Variants in GTF3C1 observed in about 807,000 individuals in gnomAD.
GTF3C1 encodes the protein general transcription factor IIIC subunit 1.
A neutral mutation model predicts 226.7 loss-of-function variants in GTF3C1; 57 were observed. The observed-to-expected ratio is 0.25, with a 90% CI of 0.20 to 0.31. GTF3C1 has a LOEUF of 0.31. Among genes scored for constraint, GTF3C1 ranks in the 10% least tolerant of loss-of-function variants. The probability of loss-of-function intolerance (pLI) is 1.00; values close to 1 mark genes in which losing one functional copy is unlikely to be tolerated. For missense variants in GTF3C1, 2,217 were observed against 2,776.1 expected, an observed-to-expected ratio of 0.80 and a Z score of 4.53; for synonymous variants, 1,090 against 1,084.8, an observed-to-expected ratio of 1.00 and a Z score of -0.09.
chr16:27,484,314 T>C lies in GTF3C1; in HGVS notation c.3898A>G (p.Ile1300Val), dbSNP rs2088101718. The C allele has an allele frequency of 6.2e-7, 1 of 1,610,504 alleles. No homozygotes were observed. Among genetic ancestry groups the C allele is most frequent in the Non-Finnish European group, 8.5e-7 (1 of 1,176,760 alleles). ...GACTCTTCAAACGTGGCATGCAAAA[T>C]GTCCCGTACCACCTGCCAGGTGACA... The part of the protein sequence containing the change: ...PFVTWQVVRD[I>V]LHATFEESLD... The change falls in exon 25 of 37, where the codon ATT (isoleucine) becomes GTT (valine). Residue 1300 changes from isoleucine to valine, a missense_variant. By Grantham distance (29) the Ile-to-Val change is conservative. Transcript: ENST00000356183.
intron 6 of GTF3C1, among the ~76,000 whole-genome samples, chr16:27,524,648 T>A (rs2088802026): frequency 6.6e-6 from 1 of 152,228 alleles, no homozygotes; most frequent in Non-Finnish European, 1.5e-5. Context: ...CCAGGGACCT[T>A]AGGCTAGGGA....
At chr16:27,483,763 C>T (rs1056058686) in intron 25 of GTF3C1, among the ~76,000 whole-genome samples, 1 of 152,332 alleles carries the variant, frequency 6.6e-6, no homozygotes. Flanking sequence ...CTGCTAAGAA[C>T]ATGGCAGAGG....
At chr16:27,533,576 A>T (rs562239897) in intron 4 of GTF3C1, among the ~76,000 whole-genome samples, 189 bp from the exon 5 acceptor site, 1 of 152,318 alleles carries the variant, frequency 6.6e-6, no homozygotes, top group South Asian at 2.1e-4. Context: ...TGTGGCTGTG[A>T]GAGGTTCTGT....
intron 25 of GTF3C1, among the ~76,000 whole-genome samples, chr16:27,483,674 C>A (rs2088091212): frequency 6.6e-6 from 1 of 152,240 alleles, no homozygotes. Context: ...CAGACTCATT[C>A]CGCTTTACAG....
Position 27,532,457 on chromosome 16 carries a change from C to A in GTF3C1, c.849+834G>T, listed in dbSNP as rs75973630. ...TAAGTTCTGGTTTCACCTACAGGGC[C>A]ATGTTGTTTTCCTCCCATCTCTAAC... On this transcript the variant is annotated intron_variant, in intron 5 of 36. Transcript: ENST00000356183. 7.0e-3 allele frequency among the ~76,000 whole-genome samples: 1,060 copies of A among 152,320 alleles called. 16 individuals are homozygous for A. The highest frequency in any genetic ancestry group is 0.024 in the African/African-American group (1,007 of 41,572).
intron 29 of GTF3C1, among the ~76,000 whole-genome samples, chr16:27,472,143 G>A (rs1055517917): frequency 2.0e-5 from 3 of 152,114 alleles, no homozygotes; most frequent in African/African-American, 4.8e-5. Flanking sequence ...GGACCACCAC[G>A]TCACACTTCC....
intron 1 of GTF3C1, among the ~76,000 whole-genome samples, chr16:27,546,978 A>G (rs2089174364): frequency 1.3e-5 from 2 of 151,726 alleles, no homozygotes; most frequent in South Asian, 2.1e-4. Context: ...TGTTGGCCAA[A>G]TGATCCACCT....
At position 27,461,342 on chromosome 16, in the gene GTF3C1, C is replaced by T. The variant is rs756858321; in HGVS notation, c.*8G>A. On this transcript the variant is annotated 3_prime_UTR_variant, in exon 37 of 37. Coordinates refer to ENST00000356183, the MANE Select transcript of GTF3C1 (RefSeq NM_001520.4). The surrounding 1 kb of genome is among the most constrained non-coding windows in gnomAD (Gnocchi z 5.3). ...GTGGCTGGGAGGGAGGGGACGCCCA[C>T]AGGGGTCCTAGAGGTGGATCCACTT... 1 of 1,578,250 alleles carries T rather than the reference C, an allele frequency of 6.3e-7. No individual in the cohort carries two copies. The highest frequency in any genetic ancestry group is 2.2e-5 in the East Asian group (1 of 44,476).
intron 1 of GTF3C1, among the ~76,000 whole-genome samples, chr16:27,545,966 A>T (rs1172847021): frequency 1.3e-5 from 2 of 152,140 alleles, no homozygotes; most frequent in Non-Finnish European, 2.9e-5. Context: ...CTCCTGCCTG[A>T]GCCTCCCAAG....
chr16:27,509,757 CAAAA>C (rs770402001), intron 7 of GTF3C1, among the ~76,000 whole-genome samples: 1 of 58,816 alleles, frequency 1.7e-5, no homozygotes. Flanking sequence ...GACTCCGTCT[CAAAA>C]AAAAAAAAAA....
In GTF3C1 at chr16:27,486,173, GA is replaced by G; in HGVS notation, c.3701-20del. 1 of 1,524,798 alleles carries G rather than the reference GA, an allele frequency of 6.6e-7. No homozygotes were observed. Among genetic ancestry groups the G allele is most frequent in the Non-Finnish European group, 9.0e-7 (1 of 1,106,738 alleles). The allele number at this position is 1,524,798 out of a possible 1,614,324, so 94.5% of individuals were successfully genotyped here. Reference sequence around the variant, plus strand: ...AACTCTCCTAAAAACACCAGAGGGAGAAGGCAGGAGACCTCTAACACCTGGT... The same window carrying G: ...AACTCTCCTAAAAACACCAGAGGGAGAGGCAGGAGACCTCTAACACCTGGT... On this transcript the variant is annotated intron_variant, in intron 23 of 36. Transcript: ENST00000356183.
intron 6 of GTF3C1, among the ~76,000 whole-genome samples, chr16:27,526,203 G>A (rs1177802433): frequency 1.3e-5 from 2 of 152,232 alleles, no homozygotes; most frequent in African/African-American, 4.8e-5. Flanking sequence ...AAGTCTGGCT[G>A]TCAGTGTTGG....
rs2088869339 is a variant in GTF3C1 at position 27,528,678 on chromosome 16, A to T, written c.893T>A (p.Leu298Gln). 1 of 1,613,256 alleles carries T rather than the reference A, an allele frequency of 6.2e-7. No homozygotes were observed. ...RTFKRLYQYM[L>Q]NAGLAKVVSL... Reference sequence around the variant, plus strand: ...CACCACCTTGGCTAGCCCGGCGTTCAGCATATACTGGTACAGACGCTTAAA... The same window carrying T: ...CACCACCTTGGCTAGCCCGGCGTTCTGCATATACTGGTACAGACGCTTAAA... Residue 298 changes from leucine to glutamine, a missense_variant, in exon 6 of 37, where the codon CTG becomes CAG. This residue lies in a region of GTF3C1 where 163 missense variants were observed against 234.3 expected (regional missense o/e 0.70). Transcript: ENST00000356183.
Position 27,469,611 on chromosome 16 carries a change from C to T in GTF3C1, c.4815-61G>A. The T allele has an allele frequency of 6.4e-7, 1 of 1,552,170 alleles. No homozygotes were observed. On this transcript the variant is annotated intron_variant, in intron 31 of 36. Coordinates refer to ENST00000356183, the MANE Select transcript of GTF3C1 (RefSeq NM_001520.4). This position sits in a 1 kb window ranked among gnomAD's most constrained non-coding sequence, Gnocchi z 4.5. ...GGCCAGCCAGTTGCTACTGCAGCCT[C>T]TCCCCTCCCTCAAGAGGCCTCTGTG...
At position 27,483,109 on chromosome 16, in the gene GTF3C1, C is replaced by G; in HGVS notation, c.4018G>C (p.Val1340Leu). The part of the protein sequence containing the change: ...YLNYKVCLAE[V>L]YQDKALVGDF... ...CCAACAAGTGCTTTATCCTGGTACA[C>G]CTCGGCCAGGCACACTCTGCAGGAA... Residue 1340 changes from valine to leucine, a missense_variant, in exon 26 of 37, where the codon GTG becomes CTG. Coordinates refer to ENST00000356183, the MANE Select transcript of GTF3C1 (RefSeq NM_001520.4). 6.2e-7 allele frequency: 1 copy of G among 1,614,154 alleles called. No individual in the cohort carries two copies. The highest frequency in any genetic ancestry group is 8.5e-7 in the Non-Finnish European group (1 of 1,180,010).
intron 6 of GTF3C1, among the ~76,000 whole-genome samples, chr16:27,516,070 G>T (rs1467629706): frequency 6.6e-6 from 1 of 152,240 alleles, no homozygotes; most frequent in Non-Finnish European, 1.5e-5. Context: ...ATTCTGAACA[G>T]TACCACCAGC....
rs1386514409 is a variant in GTF3C1, at chr16:27,464,605, G to A, written c.5587C>T (p.Arg1863Cys). Residue 1863 changes from arginine to cysteine, a missense_variant, in exon 34 of 37, where the codon CGC (arginine) becomes TGC (cysteine). Transcript: ENST00000356183. ...CCATTCTCACTGGCCCAGCTGGCGC[G>A]CCTCTTGGTGCCCCGGGGGCTGTGA... is the stretch of plus-strand genomic sequence containing the variant. ...PSHSPRGTKR[R>C]ASWASENGET... The A allele has an allele frequency of 1.8e-5, 27 of 1,496,034 alleles. No homozygotes were observed. Among genetic ancestry groups the A allele is most frequent in the East Asian group, 2.4e-5 (1 of 41,326 alleles). The allele number at this position is 1,496,034 out of a possible 1,614,324, so 92.7% of individuals were successfully genotyped here. A position where few individuals can be genotyped will look rare whatever the true frequency, so the allele number is the denominator to read the frequency against.
chr16:27,495,720 G>A (rs2088306174), intron 14 of GTF3C1, among the ~76,000 whole-genome samples: 1 of 152,192 alleles, frequency 6.6e-6, no homozygotes, highest in African/African-American at 2.4e-5. Flanking sequence ...AAGCACAGAT[G>A]GGAGGAGGGC....
At chr16:27,520,338 C>T (rs546592484) in intron 6 of GTF3C1, among the ~76,000 whole-genome samples, 1 of 152,244 alleles carries the variant, frequency 6.6e-6, no homozygotes, top group East Asian at 1.9e-4. Flanking sequence ...TGGTCTCCAA[C>T]TCCTGACCTC....
Sources: gnomAD v4.1 joint callset for allele counts (sites outside exome capture counted in the v4.1 genomes callset) on GRCh38, gnomAD v4.1.1 for gene constraint, gnomAD v4.1.1 regional missense constraint, Gnocchi (gnomAD v3.1) non-coding constraint, MANE v1.5 for transcripts, NCBI Gene and HGNC (gene_info 2026-07-23, HGNC 2026-07-21) for gene names.